Variants in BCAR3 observed in about 807,000 individuals in gnomAD.
BCAR3 encodes breast cancer anti-estrogen resistance protein 3.
Under a neutral mutation model 80.1 loss-of-function variants are expected in BCAR3, and 37 were observed. That is an observed-to-expected ratio of 0.46 (90% CI 0.36 to 0.61). The LOEUF (loss-of-function observed/expected upper bound fraction) is 0.61. Among genes scored for constraint, BCAR3 ranks in the 20% least tolerant of loss-of-function variants. BCAR3 has a pLI of 0.00. For synonymous variants in BCAR3, 389 were observed against 418.9 expected, an observed-to-expected ratio of 0.93 and a Z score of 0.87; for missense variants, 978 against 1,068.2, an observed-to-expected ratio of 0.92 and a Z score of 1.18.
intron 2 of BCAR3, among the ~76,000 whole-genome samples, chr1:93,749,726 T>C (rs890075540): frequency 6.6e-6 from 1 of 152,054 alleles, no homozygotes; most frequent in African/African-American, 2.4e-5. Flanking sequence ...CAATTTAAAA[T>C]AGACTTAAAG....
intron 2 of BCAR3, among the ~76,000 whole-genome samples, chr1:93,720,822 G>T (rs897914648): frequency 3.9e-5 from 6 of 152,196 alleles, no homozygotes; most frequent in African/African-American, 1.4e-4. Flanking sequence ...GGCCTTCCTT[G>T]TGTCTTTTTC....
intron 2 of BCAR3, among the ~76,000 whole-genome samples, chr1:93,669,527 T>C (rs764562553): frequency 3.3e-5 from 5 of 152,176 alleles, no homozygotes; most frequent in Non-Finnish European, 7.4e-5. Flanking sequence ...TGCAAACTAA[T>C]GAAACACCAC....
intron 2 of BCAR3, among the ~76,000 whole-genome samples, chr1:93,651,795 C>T (rs1231485664): frequency 6.6e-6 from 1 of 152,176 alleles, no homozygotes; most frequent in African/African-American, 2.4e-5. Flanking sequence ...CTACCCTACA[C>T]TCCCTTCCCC....
chr1:93,702,997 T>A (rs1178948463), intron 3 of BCAR3, among the ~76,000 whole-genome samples: 1 of 152,178 alleles, frequency 6.6e-6, no homozygotes, highest in Non-Finnish European at 1.5e-5. Flanking sequence ...GAGCCTGCCC[T>A]CTGTGGTCCA....
chr1:93,693,874 G>C (rs907318621), intron 3 of BCAR3, among the ~76,000 whole-genome samples: 4 of 152,156 alleles, frequency 2.6e-5, no homozygotes, highest in African/African-American at 9.7e-5. Flanking sequence ...GTGTGGAGTG[G>C]AGCTGATAGT....
intron 5 of BCAR3, chr1:93,584,942 T>C (rs1673882473): frequency 1.0e-6 from 1 of 965,712 alleles, no homozygotes; most frequent in South Asian, 4.8e-5. Context: ...AACATTGTTA[T>C]GTTACAGAAA....
chr1:93,579,104 C>G (rs1040611476), intron 7 of BCAR3, among the ~76,000 whole-genome samples: 2 of 152,140 alleles, frequency 1.3e-5, no homozygotes, highest in African/African-American at 4.8e-5. Flanking sequence ...GGGGCATGGA[C>G]ACAGCAGGAC....
chr1:93,737,504 TG>T (rs1651017532), intron 2 of BCAR3, among the ~76,000 whole-genome samples: 1 of 152,150 alleles, frequency 6.6e-6, no homozygotes, highest in Non-Finnish European at 1.5e-5. Context: ...TCGGGGATGT[TG>T]GCAATCACCG....
At chr1:93,654,352 A>G (rs1484340116) in intron 2 of BCAR3, among the ~76,000 whole-genome samples, 1 of 152,212 alleles carries the variant, frequency 6.6e-6, no homozygotes, top group Non-Finnish European at 1.5e-5. Flanking sequence ...CCTATGGCAC[A>G]GAACTGCAAG....
chr1:93,663,648 C>T (rs1222839738), intron 2 of BCAR3, among the ~76,000 whole-genome samples: 2 of 152,176 alleles, frequency 1.3e-5, no homozygotes, highest in African/African-American at 4.8e-5. Flanking sequence ...GGCATCCTTC[C>T]TCTGAGGGCT....
At chr1:93,836,455 C>T (rs981571952) in intron 2 of BCAR3, among the ~76,000 whole-genome samples, 1 of 151,536 alleles carries the variant, frequency 6.6e-6, no homozygotes, top group Admixed American at 6.6e-5. Context: ...CAGGCCATCA[C>T]CAATCATTCT....
In BCAR3 at chr1:93,658,181, C is replaced by T. The variant is rs531067381; in HGVS notation, c.318-15838G>A. On this transcript the variant is annotated intron_variant, in intron 2 of 11. Transcript: ENST00000260502. ...GTCTCAATCTCCTGACCTCGTGATCCGCCCGCCTCGGCCTCCCAAAGTGCT... is the reference window on the plus strand; with the variant it reads ...GTCTCAATCTCCTGACCTCGTGATCTGCCCGCCTCGGCCTCCCAAAGTGCT... 5.2e-3 allele frequency among the ~76,000 whole-genome samples: 795 copies of T among 152,128 alleles called. 6 individuals carry two copies. Among genetic ancestry groups the T allele is most frequent in the South Asian group, 0.018 (86 of 4,810 alleles).
intron 3 of BCAR3, among the ~76,000 whole-genome samples, chr1:93,639,956 A>G (rs757096312): frequency 5.9e-5 from 9 of 152,114 alleles, no homozygotes; most frequent in Non-Finnish European, 1.3e-4. Flanking sequence ...TGGCTTCTTG[A>G]TGCTTGTTTT....
chr1:93,636,525 A>C (rs949276057), intron 3 of BCAR3, among the ~76,000 whole-genome samples: 1 of 152,196 alleles, frequency 6.6e-6, no homozygotes, highest in Non-Finnish European at 1.5e-5. Context: ...GGCCACAAAA[A>C]AACACTTGCC....
At chr1:93,829,694 A>T (rs1364190929) in intron 2 of BCAR3, among the ~76,000 whole-genome samples, 1 of 152,132 alleles carries the variant, frequency 6.6e-6, no homozygotes, top group East Asian at 1.9e-4. Context: ...TCCCTTGTTA[A>T]TTTGTCTTTT....
intron 3 of BCAR3, among the ~76,000 whole-genome samples, chr1:93,704,323 G>A (rs1649754896): frequency 1.4e-5 from 2 of 144,718 alleles, no homozygotes; most frequent in South Asian, 2.4e-4. Context: ...TGACTGGAGT[G>A]TAATGAGGTG....
intron 2 of BCAR3, among the ~76,000 whole-genome samples, chr1:93,816,670 C>CAAAAA (rs60051218): frequency 3.2e-4 from 17 of 53,876 alleles, no homozygotes; most frequent in South Asian, 2.0e-3. Context: ...GACTCCATCT[C>CAAAAA]AAAAAAAAAA....
chr1:93,643,721 TGAG>T (rs1403154323), intron 2 of BCAR3, among the ~76,000 whole-genome samples: 1 of 151,992 alleles, frequency 6.6e-6, no homozygotes, highest in African/African-American at 2.4e-5. Flanking sequence ...ATGGACAACA[TGAG>T]GACTATAGGT....
At chr1:93,633,080 G>A (rs373316481) in intron 3 of BCAR3, among the ~76,000 whole-genome samples, 2 of 152,116 alleles carry the variant, frequency 1.3e-5, no homozygotes, top group East Asian at 3.8e-4. Context: ...ATAAAAATAG[G>A]TGGTGGGCTA....
Sources: gnomAD v4.1 joint callset for allele counts (sites outside exome capture counted in the v4.1 genomes callset) on GRCh38, gnomAD v4.1.1 for gene constraint, MANE v1.5 for transcripts, NCBI Gene and HGNC (gene_info 2026-07-23, HGNC 2026-07-21) for gene names.